Variants in ARHGEF10 observed in about 807,000 individuals in gnomAD.
ARHGEF10 encodes Rho guanine nucleotide exchange factor 10, also known as Rho guanine nucleotide exchange factor (GEF) 10.
ARHGEF10 carries 140 observed loss-of-function variants against 147.4 expected under a neutral mutation model. The ratio of observed to expected loss-of-function variants is 0.95; its 90% confidence interval spans 0.83 to 1.09. ARHGEF10 has a LOEUF of 1.09. ARHGEF10 is among the 50% of genes least tolerant of loss of function. ARHGEF10 has a pLI of 0.00. For synonymous variants in ARHGEF10, 902 were observed against 695.8 expected, an observed-to-expected ratio of 1.30 and a Z score of -4.67; for missense variants, 2,222 against 1,752.7, an observed-to-expected ratio of 1.27 and a Z score of -4.78.
chr8:1,952,663 T>G (rs1437917477), intron 27 of ARHGEF10, 42 bp from the exon 28 acceptor site: 4 of 1,611,634 alleles, frequency 2.5e-6, no homozygotes, highest in Non-Finnish European at 3.4e-6. Flanking sequence ...CCAACTCTGC[T>G]ACACAAACCA....
chr8:1,921,721 G>C (rs1258698450), intron 18 of ARHGEF10, among the ~76,000 whole-genome samples: 2 of 145,518 alleles, frequency 1.4e-5, no homozygotes, highest in Non-Finnish European at 3.0e-5. Flanking sequence ...GGGGACAAGA[G>C]CGACACTTCG....
rs1377068577 is a variant in ARHGEF10, at chr8:1,832,810, A to AGAGAGG, written c.-48+8697_-48+8698insGAGAGG. On this transcript the variant is annotated intron_variant, in intron 1 of 28. Transcript: ENST00000349830. Reference sequence around the variant, plus strand: ...GAGAGAGACAGAGGCAGAGGCAGAGACAGAGGCAGAGAGAGAGGCAGAGGC... The same window carrying AGAGAGG: ...GAGAGAGACAGAGGCAGAGGCAGAGAGAGAGGCAGAGGCAGAGAGAGAGGCAGAGGC... Among the ~76,000 whole-genome samples the AGAGAGG allele has an allele frequency of 4.9e-3, 541 of 111,390 alleles. 24 individuals carry two copies. The highest frequency in any genetic ancestry group is 6.5e-3 in the Non-Finnish European group (349 of 53,534). The allele number at this position is 111,390 out of a possible 152,430, so 73.1% of individuals were successfully genotyped here.
At chr8:1,853,611 A>G (rs1805317632) in intron 2 of ARHGEF10, among the ~76,000 whole-genome samples, 1 of 152,250 alleles carries the variant, frequency 6.6e-6, no homozygotes, top group Admixed American at 6.5e-5. Flanking sequence ...GAACCGACCC[A>G]GCCCAGCTTG....
At chr8:1,909,593 C>A in intron 18 of ARHGEF10, 123 bp downstream of exon 18, 1 of 1,302,142 alleles carries the variant, frequency 7.7e-7, no homozygotes, top group Non-Finnish European at 1.1e-6. Flanking sequence ...GGCAAGTCTG[C>A]AGAGGTGATC....
chr8:1,893,486 A>G (rs1447254225), intron 11 of ARHGEF10, 83 bp from the exon 12 acceptor site: 1 of 914,740 alleles, frequency 1.1e-6, no homozygotes, highest in Non-Finnish European at 1.8e-6. Flanking sequence ...GTTACTTATC[A>G]GCAAGCCTCA....
At chr8:1,846,446 A>G (rs926481200) in intron 2 of ARHGEF10, among the ~76,000 whole-genome samples, 1 of 152,266 alleles carries the variant, frequency 6.6e-6, no homozygotes, top group Non-Finnish European at 1.5e-5. Context: ...ATCAGGATCC[A>G]GCAGGAAGTT....
intron 28 of ARHGEF10, among the ~76,000 whole-genome samples, chr8:1,955,229 G>GCACAC (rs1815423000): frequency 1.3e-5 from 2 of 149,896 alleles, no homozygotes; most frequent in African/African-American, 2.5e-5. Context: ...CTGAAAGGAG[G>GCACAC]TGCACTCTCA....
intron 9 of ARHGEF10, among the ~76,000 whole-genome samples, chr8:1,880,371 A>T (rs1205179663): frequency 1.3e-5 from 2 of 152,212 alleles, no homozygotes; most frequent in African/African-American, 2.4e-5. Flanking sequence ...ACCCAGGAAC[A>T]TTCTGGAGGC....
chr8:1,858,420 C>T (rs922933491), intron 3 of ARHGEF10, among the ~76,000 whole-genome samples: 1 of 152,054 alleles, frequency 6.6e-6, no homozygotes, highest in African/African-American at 2.4e-5. Context: ...CATGATGTAC[C>T]TGAAAGGACT....
At chr8:1,897,141 A>C (rs1354492671) in intron 14 of ARHGEF10, among the ~76,000 whole-genome samples, 2 of 152,216 alleles carry the variant, frequency 1.3e-5, no homozygotes, top group African/African-American at 2.4e-5. Context: ...CCCCGGGGAC[A>C]AAGTGTGTTC....
chr8:1,937,839 G>A lies in ARHGEF10; in HGVS notation c.3222+3897G>A, dbSNP rs948453460. Reference sequence around the variant, plus strand: ...TCTGGGCTTGGGTTGAGCGGGTTGGGAGATGCTAGCCATATTTGGAAGAAA... The same window carrying A: ...TCTGGGCTTGGGTTGAGCGGGTTGGAAGATGCTAGCCATATTTGGAAGAAA... On this transcript the variant is annotated intron_variant, in intron 26 of 28. Transcript: ENST00000349830. The surrounding 1 kb of genome is among the most constrained non-coding windows in gnomAD (Gnocchi z 4.9). Among the ~76,000 whole-genome samples the A allele has an allele frequency of 6.6e-6, 1 of 152,224 alleles. No homozygotes were observed. Among genetic ancestry groups the A allele is most frequent in the Non-Finnish European group, 1.5e-5 (1 of 68,050 alleles).
intron 9 of ARHGEF10, among the ~76,000 whole-genome samples, chr8:1,881,596 A>T (rs963766747): frequency 2.7e-5 from 4 of 149,862 alleles, no homozygotes; most frequent in Non-Finnish European, 5.9e-5. Context: ...ATTGCAAGTG[A>T]TGGAGATGGG....
chr8:1,872,659 G>A (rs1807226065), intron 7 of ARHGEF10, among the ~76,000 whole-genome samples: 1 of 152,206 alleles, frequency 6.6e-6, no homozygotes. Context: ...CACTTGCTGA[G>A]ATTCAGTGAC....
intron 1 of ARHGEF10, among the ~76,000 whole-genome samples, chr8:1,838,520 G>GC (rs1239366333): frequency 2.6e-5 from 4 of 152,242 alleles, no homozygotes; most frequent in Non-Finnish European, 4.4e-5. Flanking sequence ...CTGTGTGCAC[G>GC]CCGGAGGCAG....
chr8:1,892,879 G>A (rs1222131200), intron 11 of ARHGEF10, among the ~76,000 whole-genome samples: 2 of 152,082 alleles, frequency 1.3e-5, no homozygotes, highest in Non-Finnish European at 2.9e-5. Flanking sequence ...GAAATGCCGG[G>A]CGTCCTCATA....
intron 18 of ARHGEF10, among the ~76,000 whole-genome samples, chr8:1,917,960 G>A (rs895699573): frequency 7.0e-6 from 1 of 142,208 alleles, no homozygotes; most frequent in African/African-American, 2.6e-5. Context: ...TTTTTTTTTT[G>A]TATTTTTAGT....
chr8:1,860,848 C>T (rs1027960014), intron 4 of ARHGEF10, among the ~76,000 whole-genome samples: 4 of 151,994 alleles, frequency 2.6e-5, no homozygotes, highest in African/African-American at 9.7e-5. Flanking sequence ...GGGGTCAAAG[C>T]GTGTGTCTCG....
Position 1,894,447 on chromosome 8 carries a change from C to T in ARHGEF10, c.1315C>T (p.Leu439=), listed in dbSNP as rs150372520. The T allele has an allele frequency of 1.2e-6, 2 of 1,614,104 alleles. No homozygotes were observed. The highest frequency in any genetic ancestry group is 2.2e-5 in the South Asian group (2 of 91,090). Residue 439 remains leucine, a synonymous_variant, in exon 13 of 29, where the codon CTG becomes TTG. Transcript: ENST00000349830. The part of the protein sequence containing the change: ...MEPKVLSERK[L]KTVFYRVKEI... ...GCCAAAGGTTCTGAGTGAGAGGAAG[C>T]TGAAGACGGTGTTCTACCGAGTCAA...
At chr8:1,886,493 A>G (rs1203262903) in intron 11 of ARHGEF10, among the ~76,000 whole-genome samples, 1 of 152,238 alleles carries the variant, frequency 6.6e-6, no homozygotes, top group Non-Finnish European at 1.5e-5. Flanking sequence ...AAAAGAGATG[A>G]AAAGGGATAC....
Sources: gnomAD v4.1 joint callset for allele counts (sites outside exome capture counted in the v4.1 genomes callset) on GRCh38, gnomAD v4.1.1 for gene constraint, Gnocchi (gnomAD v3.1) non-coding constraint, MANE v1.5 for transcripts, NCBI Gene and HGNC (gene_info 2026-07-23, HGNC 2026-07-21) for gene names.